Variants in RASSF9 observed in about 807,000 individuals in gnomAD.
The protein encoded by RASSF9 is ras association domain-containing protein 9.
RASSF9 carries 18 observed loss-of-function variants against 21.4 expected under a neutral mutation model. The observed-to-expected ratio is 0.84, with a 90% CI of 0.58 to 1.25. The LOEUF (loss-of-function observed/expected upper bound fraction) is 1.25, where lower values mean the gene tolerates loss of function less well. Ranked by LOEUF, RASSF9 falls within the 50% of genes most tolerant of loss-of-function variation. The pLI is 0.00. For synonymous variants in RASSF9, 183 were observed against 179.1 expected (o/e 1.02, Z -0.18); for missense variants, 480 against 503.2 (o/e 0.95, Z 0.44).
chr12:85,800,805 G>A lies in RASSF9; in HGVS notation c.*3897C>T, dbSNP rs1280590303. 1 of 151,732 alleles carries A rather than the reference G, an allele frequency of 6.6e-6. No homozygotes were observed. Among genetic ancestry groups the A allele is most frequent in the Admixed American group, 6.6e-5 (1 of 15,232 alleles). 9.4% of individuals were successfully genotyped at this position (151,732 alleles called of 1,614,324 possible). ...TCATGTTTATTAAACCAATCAGGCA[G>A]TATGAAAAGAAATAGCCTAGTATTT... On this transcript the variant is annotated 3_prime_UTR_variant, in exon 2 of 2. Coordinates refer to ENST00000361228, the MANE Select transcript of RASSF9 (RefSeq NM_005447.4).
At position 85,802,894 on chromosome 12, in the gene RASSF9, AT is replaced by A. The variant is rs368313261; in HGVS notation, c.*1807del. On this transcript the variant is annotated 3_prime_UTR_variant, in exon 2 of 2. Transcript: ENST00000361228. ...ATTCAATTTTATCTTTTTTAAAAAA[AT>A]GTAACCGATGCCAGAATTATTACTC... The A allele has an allele frequency of 1.1e-4, 17 of 152,276 alleles. No individual in the cohort carries two copies. The East Asian group carries it at 1.4e-3, about 12-fold the overall frequency. The allele number at this position is 152,276 out of a possible 1,614,324, so 9.4% of individuals were successfully genotyped here. A position where few individuals can be genotyped will look rare whatever the true frequency, so the allele number is the denominator to read the frequency against.
At chr12:85,821,741 TA>T (rs1208177302) in intron 1 of RASSF9, among the ~76,000 whole-genome samples, 1 of 152,154 alleles carries the variant, frequency 6.6e-6, no homozygotes, top group Non-Finnish European at 1.5e-5. Context: ...AGTAATATTA[TA>T]AACCAGTCAT....
chr12:85,810,112 C>A (rs1037868044), intron 1 of RASSF9, among the ~76,000 whole-genome samples: 3 of 151,898 alleles, frequency 2.0e-5, no homozygotes, highest in African/African-American at 7.2e-5. Context: ...GGCAATAAAT[C>A]ATTCATAACT....
At chr12:85,815,105 A>G (rs1880031408) in intron 1 of RASSF9, among the ~76,000 whole-genome samples, 2 of 152,014 alleles carry the variant, frequency 1.3e-5, no homozygotes, top group Admixed American at 1.3e-4. Flanking sequence ...GAGGTGGCCA[A>G]GAAATTATTT....
At chr12:85,824,046 A>G (rs181304950) in intron 1 of RASSF9, among the ~76,000 whole-genome samples, 69 of 152,222 alleles carry the variant, frequency 4.5e-4, no homozygotes, top group African/African-American at 1.6e-3. Flanking sequence ...AACCAATTGT[A>G]TGATGATGGT....
chr12:85,804,650 A>G lies in RASSF9; in HGVS notation c.*52T>C. The stretch of plus-strand genomic sequence containing the variant: ...TATATTTAAAATGAGGTTTCCTATT[A>G]AATTAAACAAACATTAAAACATGAA... On this transcript the variant is annotated 3_prime_UTR_variant, in exon 2 of 2. Transcript: ENST00000361228. 1 of 1,452,914 alleles carries G rather than the reference A, an allele frequency of 6.9e-7. No individual in the cohort carries two copies. The allele number at this position is 1,452,914 out of a possible 1,614,324, so 90.0% of individuals were successfully genotyped here.
chr12:85,820,857 A>T (rs934729113), intron 1 of RASSF9, among the ~76,000 whole-genome samples: 9 of 152,164 alleles, frequency 5.9e-5, no homozygotes, highest in Non-Finnish European at 2.9e-5. Context: ...TTTAAAAGCT[A>T]CATTGAGGCC....
At chr12:85,819,339 G>A (rs1312325662) in intron 1 of RASSF9, among the ~76,000 whole-genome samples, 4 of 151,796 alleles carry the variant, frequency 2.6e-5, no homozygotes, top group Non-Finnish European at 4.4e-5. Context: ...GTGCCTGGCC[G>A]CTTTAATTAT....
chr12:85,826,620 T>TCACA (rs1880340585), intron 1 of RASSF9, among the ~76,000 whole-genome samples: 1 of 151,750 alleles, frequency 6.6e-6, no homozygotes, highest in African/African-American at 2.4e-5. Flanking sequence ...GCTAATTTTT[T>TCACA]GTATTTTTAG....
intron 1 of RASSF9, among the ~76,000 whole-genome samples, chr12:85,818,924 A>ACTCCAGCC (rs1011718013): frequency 2.1e-5 from 3 of 141,822 alleles, no homozygotes; most frequent in African/African-American, 8.2e-5. Context: ...GCGCCACTAT[A>ACTCCAGCC]CTCCAGCCTG....
Position 85,836,135 on chromosome 12 carries a change from A to G in RASSF9, c.47+20T>C. On this transcript the variant is annotated intron_variant, in intron 1 of 1. Transcript: ENST00000361228. ...CACACACAGAGACACACACACACTT[A>G]CTCACACGCTTGACTTTACCTGTTT... 6.4e-7 allele frequency: 1 copy of G among 1,550,808 alleles called. No individual in the cohort carries two copies. The highest frequency in any genetic ancestry group is 8.7e-7 in the Non-Finnish European group (1 of 1,146,884).
At chr12:85,831,857 T>A (rs1159003632) in intron 1 of RASSF9, among the ~76,000 whole-genome samples, 1 of 151,978 alleles carries the variant, frequency 6.6e-6, no homozygotes, top group Admixed American at 6.6e-5. Flanking sequence ...GATTTACTTC[T>A]AGTGACAATA....
intron 1 of RASSF9, among the ~76,000 whole-genome samples, chr12:85,825,267 A>T (rs1031647737): frequency 2.6e-5 from 4 of 152,186 alleles, no homozygotes; most frequent in African/African-American, 4.8e-5. Context: ...TGGATAATGC[A>T]TCCTTTTTTG....
At chr12:85,813,074 G>T (rs1031578379) in intron 1 of RASSF9, among the ~76,000 whole-genome samples, 7 of 151,876 alleles carry the variant, frequency 4.6e-5, no homozygotes, top group Middle Eastern at 3.4e-3. Flanking sequence ...TCACTGAAAA[G>T]ATAGATATAT....
chr12:85,822,433 A>T (rs1016078403), intron 1 of RASSF9, among the ~76,000 whole-genome samples: 1 of 152,218 alleles, frequency 6.6e-6, no homozygotes. Flanking sequence ...TTCCAGTTGG[A>T]AGCTTCATCT....
chr12:85,807,981 TG>T (rs922572597), intron 1 of RASSF9, among the ~76,000 whole-genome samples: 36 of 152,288 alleles, frequency 2.4e-4, no homozygotes, highest in African/African-American at 8.4e-4. Context: ...ATTGGCTTCT[TG>T]TGAAAGTTAA....
chr12:85,831,593 G>A (rs1477721119), intron 1 of RASSF9, among the ~76,000 whole-genome samples: 1 of 151,890 alleles, frequency 6.6e-6, no homozygotes, highest in South Asian at 2.1e-4. Context: ...ATAATCAGGG[G>A]AAATCACTTT....
chr12:85,814,096 G>A (rs192502195), intron 1 of RASSF9, among the ~76,000 whole-genome samples: 4 of 152,172 alleles, frequency 2.6e-5, no homozygotes, highest in African/African-American at 9.6e-5. Context: ...TAGAGATTGT[G>A]ATGGAAACTT....
At chr12:85,807,651 GCA>G (rs2136550508) in intron 1 of RASSF9, among the ~76,000 whole-genome samples, 1 of 151,978 alleles carries the variant, frequency 6.6e-6, no homozygotes, top group South Asian at 2.1e-4. Flanking sequence ...GCACGGAGAG[GCA>G]CACACATGTA....
Sources: gnomAD v4.1 joint callset for allele counts (sites outside exome capture counted in the v4.1 genomes callset) on GRCh38, gnomAD v4.1.1 for gene constraint, MANE v1.5 for transcripts, NCBI Gene and HGNC (gene_info 2026-07-23, HGNC 2026-07-21) for gene names.